Variants in SLC5A7 observed in about 807,000 individuals in gnomAD.
SLC5A7 encodes the protein high affinity choline transporter 1.
A neutral mutation model predicts 55.4 loss-of-function variants in SLC5A7; 19 were observed. The ratio of observed to expected loss-of-function variants is 0.34; its 90% CI spans 0.24 to 0.50. SLC5A7 has a LOEUF of 0.50. SLC5A7 is among the 20% of genes least tolerant of loss of function. The probability of loss-of-function intolerance (pLI) is 0.98; values close to 1 mark genes in which losing one functional copy is unlikely to be tolerated. For synonymous variants in SLC5A7, 265 were observed against 263.7 expected (o/e 1.00, Z -0.05); for missense variants, 506 against 705.3 (o/e 0.72, Z 3.20).
Position 107,997,972 on chromosome 2 carries a change from A to G in SLC5A7, c.583A>G (p.Ile195Val), listed in dbSNP as rs776668635. ...AYTDVVQLFC[I>V]FVGLWISVPF... The stretch of plus-strand genomic sequence containing the variant: ...CACTGATGTCGTTCAGCTCTTTTGC[A>G]TTTTTGTAGGGCTGGTAAGTGGGAG... The change falls in exon 5 of 9, where the codon ATT (isoleucine) becomes GTT (valine). Residue 195 changes from isoleucine (I) to valine (V), a missense_variant. Ile to Val is a conservative substitution (Grantham distance 29). Coordinates refer to ENST00000264047, the MANE Select transcript of SLC5A7 (RefSeq NM_021815.5). The G allele has an allele frequency of 1.9e-6, 3 of 1,612,368 alleles. No homozygotes were observed. Among genetic ancestry groups the G allele is most frequent in the Non-Finnish European group, 2.5e-6 (3 of 1,179,208 alleles).
chr2:108,010,956 T>C lies in SLC5A7; in HGVS notation c.*95T>C. ...GCAGCATACAAAAATATATTAAAAA[T>C]ATAAACAATGTTCAGGAGAGTAAAA... is the stretch of plus-strand genomic sequence containing the variant. On this transcript the variant is annotated 3_prime_UTR_variant, in exon 9 of 9. Transcript: ENST00000264047. 1 of 1,280,466 alleles carries C rather than the reference T, an allele frequency of 7.8e-7. No individual in the cohort carries two copies. The highest frequency in any genetic ancestry group is 1.0e-6 in the Non-Finnish European group (1 of 966,600). The allele number at this position is 1,280,466 out of a possible 1,614,324, so 79.3% of individuals were successfully genotyped here.
chr2:108,008,921 G>A (rs1293237752), intron 8 of SLC5A7, among the ~76,000 whole-genome samples: 1 of 151,360 alleles, frequency 6.6e-6, no homozygotes, highest in African/African-American at 2.4e-5. Flanking sequence ...TTCCCAAGAG[G>A]TACAGTCACA....
At chr2:108,004,790 C>G (rs899655166) in intron 6 of SLC5A7, among the ~76,000 whole-genome samples, 1 of 152,142 alleles carries the variant, frequency 6.6e-6, no homozygotes, top group Non-Finnish European at 1.5e-5. Flanking sequence ...CCCTCCATCT[C>G]CACCTGTGGA....
At chr2:108,008,865 G>T (rs551820654) in intron 8 of SLC5A7, among the ~76,000 whole-genome samples, 183 bp downstream of exon 8, 1 of 150,614 alleles carries the variant, frequency 6.6e-6, no homozygotes, top group South Asian at 2.1e-4. Context: ...ATCAGTACCT[G>T]TTCTTATTCA....
At position 107,997,863 on chromosome 2, in the gene SLC5A7, T is replaced by C. The variant is rs201965363; in HGVS notation, c.474T>C (p.Asp158=). 6.0e-5 allele frequency: 97 copies of C among 1,610,366 alleles called. 2 individuals carry two copies. In the East Asian group the frequency reaches 1.2e-3, roughly 20 times the overall value. Residue 158 remains aspartate (D), a synonymous_variant, in exon 5 of 9, where the codon GAT becomes GAC. Coordinates refer to ENST00000264047, the MANE Select transcript of SLC5A7 (RefSeq NM_021815.5). ...ALGATISVII[D]VDMHISVIIS... ...GAGCCACCATCAGCGTGATCATCGA[T>C]GTGGATATGCACATTTCTGTCATCA... is the stretch of plus-strand genomic sequence containing the variant.
chr2:107,995,239 T>C (rs1371373270), intron 4 of SLC5A7, among the ~76,000 whole-genome samples: 1 of 152,188 alleles, frequency 6.6e-6, no homozygotes, highest in Non-Finnish European at 1.5e-5. Flanking sequence ...ATACAATAGC[T>C]ATAATGTCAC....
chr2:108,002,512 AAG>A (rs138346958), intron 6 of SLC5A7, among the ~76,000 whole-genome samples: 7,952 of 152,168 alleles, frequency 0.052, 669 homozygotes, highest in African/African-American at 0.18. Context: ...GAAAGATGCC[AAG>A]AGAGAGGCCC....
At chr2:107,997,788 G>A (rs754735098) in intron 4 of SLC5A7, 50 bp from the exon 5 acceptor site, 2 of 1,510,834 alleles carry the variant, frequency 1.3e-6, no homozygotes, top group Non-Finnish European at 1.8e-6. Flanking sequence ...TATACAAAGA[G>A]CAGAATCTGT....
intron 1 of SLC5A7, among the ~76,000 whole-genome samples, chr2:107,987,150 A>G (rs1051550936): frequency 1.3e-5 from 2 of 152,084 alleles, no homozygotes; most frequent in Non-Finnish European, 2.9e-5. Flanking sequence ...CACAAATGTC[A>G]GAGTTTCCCC....
intron 7 of SLC5A7, 33 bp from the exon 8 acceptor site, chr2:108,008,432 G>A: frequency 6.4e-7 from 1 of 1,568,866 alleles, no homozygotes. Flanking sequence ...TGGTTCCTTG[G>A]TGGTTATAAT....
At position 108,008,934 on chromosome 2, in the gene SLC5A7, G is replaced by T. The variant is rs73953534; in HGVS notation, c.1113+252G>T. Among the ~76,000 whole-genome samples, 369 of 151,696 alleles carry T rather than the reference G, an allele frequency of 2.4e-3. 1 individual carries two copies. Among genetic ancestry groups the T allele is most frequent in the African/African-American group, 8.4e-3 (348 of 41,324 alleles). On this transcript the variant is annotated intron_variant, in intron 8 of 8. Coordinates refer to ENST00000264047, the MANE Select transcript of SLC5A7 (RefSeq NM_021815.5). ...ATTTCCCAAGAGGTACAGTCACAGGGCTATCATTTAACCTTTTTGTCTTTC... is the reference window on the plus strand; with the variant it reads ...ATTTCCCAAGAGGTACAGTCACAGGTCTATCATTTAACCTTTTTGTCTTTC...
intron 2 of SLC5A7, among the ~76,000 whole-genome samples, 183 bp downstream of exon 2, chr2:107,988,516 G>T (rs554011905): frequency 6.6e-6 from 1 of 152,170 alleles, no homozygotes; most frequent in East Asian, 1.9e-4. Context: ...AAATAAATTG[G>T]TTTCAACTCA....
chr2:108,005,259 C>T lies in SLC5A7; in HGVS notation c.742-790C>T, dbSNP rs571871318. On this transcript the variant is annotated intron_variant, in intron 6 of 8. Transcript: ENST00000264047. Reference sequence around the variant, plus strand: ...GTAGAAAGTAAGTTCCAGGGAAAGACCATGCCTTATTCATGTTTTTGCTCT... The same window carrying T: ...GTAGAAAGTAAGTTCCAGGGAAAGATCATGCCTTATTCATGTTTTTGCTCT... Among the ~76,000 whole-genome samples the T allele has an allele frequency of 3.3e-5, 5 of 152,290 alleles. No homozygotes were observed. The South Asian group carries it at 6.2e-4, about 19-fold the overall frequency.
intron 7 of SLC5A7, among the ~76,000 whole-genome samples, chr2:108,007,482 G>C (rs199755491): frequency 4.5e-4 from 1 of 2,206 alleles, no homozygotes; most frequent in African/African-American, 6.8e-3. Flanking sequence ...GTGTGTGTCT[G>C]TGTGTGTGTG....
chr2:107,997,508 T>C (rs960289727), intron 4 of SLC5A7, among the ~76,000 whole-genome samples: 89 of 152,130 alleles, frequency 5.9e-4, no homozygotes, highest in Non-Finnish European at 8.8e-5. Flanking sequence ...TGAGTCAGAG[T>C]TCCAGATAGT....
chr2:107,998,057 A>T, intron 5 of SLC5A7, 71 bp downstream of exon 5: 13 of 1,359,410 alleles, frequency 9.6e-6, no homozygotes, highest in Non-Finnish European at 1.3e-5. Context: ...CTAACTCATT[A>T]AAAATGAGTA....
intron 1 of SLC5A7, 49 bp from the exon 2 acceptor site, chr2:107,988,056 T>A: frequency 1.6e-6 from 2 of 1,247,884 alleles, no homozygotes; most frequent in East Asian, 2.4e-5. Context: ...GCTGCCTACA[T>A]GTGCATAGTG....
intron 2 of SLC5A7, among the ~76,000 whole-genome samples, chr2:107,990,907 C>G (rs932389225): frequency 6.6e-6 from 1 of 152,158 alleles, no homozygotes; most frequent in East Asian, 1.9e-4. Flanking sequence ...TGGGATGATG[C>G]AATCCAGAAT....
At chr2:108,001,565 T>C (rs1235090032) in intron 5 of SLC5A7, among the ~76,000 whole-genome samples, 54 of 145,448 alleles carry the variant, frequency 3.7e-4, no homozygotes, top group Non-Finnish European at 6.6e-4. Flanking sequence ...CCCAGCTACT[T>C]GGGAGGCTGA....
Sources: allele counts gnomAD v4.1 joint callset (sites outside exome capture counted in the v4.1 genomes callset), GRCh38; gene constraint gnomAD v4.1.1; transcripts MANE v1.5; gene names NCBI Gene and HGNC (gene_info 2026-07-23, HGNC 2026-07-21).